Variants in TFCP2L1 observed in about 807,000 individuals in gnomAD.
The protein encoded by TFCP2L1 is transcription factor CP2 like 1.
A neutral mutation model predicts 72.2 loss-of-function variants in TFCP2L1; 12 were observed. That is an observed-to-expected ratio of 0.17 (90% confidence interval 0.11 to 0.27). The LOEUF (loss-of-function observed/expected upper bound fraction) is 0.27. TFCP2L1 is among the 10% of genes least tolerant of loss of function. The probability of loss-of-function intolerance (pLI) is 1.00; values close to 1 mark genes in which losing one functional copy is unlikely to be tolerated. For missense variants in TFCP2L1, 488 were observed against 624.6 expected (o/e 0.78, Z 2.33); for synonymous variants, 260 against 251.0 (o/e 1.04, Z -0.34).
chr2:121,279,807 C>T (rs1687218516), intron 2 of TFCP2L1, among the ~76,000 whole-genome samples: 1 of 152,224 alleles, frequency 6.6e-6, no homozygotes, highest in Admixed American at 6.5e-5. Flanking sequence ...GTCTGCTCTG[C>T]CCATTGAAAG....
At chr2:121,281,042 C>A in intron 2 of TFCP2L1, 78 bp downstream of exon 2, 2 of 1,588,140 alleles carry the variant, frequency 1.3e-6, no homozygotes, top group Non-Finnish European at 1.7e-6. Flanking sequence ...AACAAAGTCA[C>A]AAGGCCCAAA....
chr2:121,237,730 G>A lies in TFCP2L1; in HGVS notation c.910-14C>T. 1 of 1,614,178 alleles carries A rather than the reference G, an allele frequency of 6.2e-7. No individual in the cohort carries two copies. Among genetic ancestry groups the A allele is most frequent in the Non-Finnish European group, 8.5e-7 (1 of 1,180,030 alleles). On this transcript the variant is annotated splice_polypyrimidine_tract_variant and intron_variant, in intron 9 of 14. Coordinates refer to ENST00000263707, the MANE Select transcript of TFCP2L1 (RefSeq NM_014553.3). The stretch of plus-strand genomic sequence containing the variant: ...TGGGAGCAGGTGCTGTGAGCAGAGG[G>A]GAGAGGCCTTGAGATGGTGGCTCAG...
At chr2:121,277,065 T>C (rs1208568958) in intron 2 of TFCP2L1, among the ~76,000 whole-genome samples, 1 of 152,268 alleles carries the variant, frequency 6.6e-6, no homozygotes, top group East Asian at 1.9e-4. Context: ...AAAAGGTTGG[T>C]ATTCTTCATA....
At chr2:121,237,999 G>GAA in intron 8 of TFCP2L1, 149 bp from the exon 9 acceptor site, 1 of 836,472 alleles carries the variant, frequency 1.2e-6, no homozygotes. Context: ...CTGAGTCACA[G>GAA]AAACACAGCA....
intron 4 of TFCP2L1, among the ~76,000 whole-genome samples, chr2:121,248,532 C>T (rs1686536554): frequency 6.6e-6 from 1 of 152,164 alleles, no homozygotes; most frequent in Non-Finnish European, 1.5e-5. Context: ...GAGATGTTCC[C>T]TGATGCTCTG....
At chr2:121,229,459 T>C (rs554401471) in intron 13 of TFCP2L1, among the ~76,000 whole-genome samples, 1 of 152,344 alleles carries the variant, frequency 6.6e-6, no homozygotes, top group South Asian at 2.1e-4. Context: ...CCTCCAGGAC[T>C]GAGAGGAAGT....
At chr2:121,253,642 CAGCA>C (rs1372306605) in intron 2 of TFCP2L1, among the ~76,000 whole-genome samples, 4 of 152,182 alleles carry the variant, frequency 2.6e-5, no homozygotes, top group Non-Finnish European at 4.4e-5. Context: ...TCACGCCAAA[CAGCA>C]AGCACCTCCT....
chr2:121,253,995 G>C (rs1221162971), intron 2 of TFCP2L1, among the ~76,000 whole-genome samples: 2 of 152,158 alleles, frequency 1.3e-5, no homozygotes, highest in South Asian at 4.1e-4. Context: ...GTCACATACA[G>C]GCTGACGAGC....
chr2:121,262,919 T>G (rs1307692776), intron 2 of TFCP2L1, among the ~76,000 whole-genome samples: 1 of 151,908 alleles, frequency 6.6e-6, no homozygotes, highest in Non-Finnish European at 1.5e-5. Context: ...ATTATCTCTT[T>G]TTTCTATATT....
intron 6 of TFCP2L1, among the ~76,000 whole-genome samples, chr2:121,244,644 G>A (rs1686444746): frequency 6.6e-6 from 1 of 152,102 alleles, no homozygotes; most frequent in South Asian, 2.1e-4. Context: ...AGGTGTAGAA[G>A]CTCCCACCCA....
At chr2:121,258,698 G>C (rs528925339) in intron 2 of TFCP2L1, among the ~76,000 whole-genome samples, 1 of 152,308 alleles carries the variant, frequency 6.6e-6, no homozygotes, top group East Asian at 1.9e-4. Flanking sequence ...AAAATGAGGG[G>C]AGACTGAAGA....
intron 2 of TFCP2L1, among the ~76,000 whole-genome samples, chr2:121,258,189 A>G (rs926835403): frequency 5.3e-5 from 8 of 152,190 alleles, no homozygotes; most frequent in Admixed American, 4.6e-4. Context: ...AAACTAACAG[A>G]TTGCTGGCAT....
rs1418907050 is a variant in TFCP2L1 at position 121,222,964 on chromosome 2, T to A, written c.*1377A>T. On this transcript the variant is annotated 3_prime_UTR_variant, in exon 15 of 15. Coordinates refer to ENST00000263707, the MANE Select transcript of TFCP2L1 (RefSeq NM_014553.3). The stretch of plus-strand genomic sequence containing the variant: ...TCCTGGTTTATATGATAAATTTATA[T>A]CGCTACCCTATCACTATGTGCTACC... 1 of 152,214 alleles carries A rather than the reference T, an allele frequency of 6.6e-6. No homozygotes were observed. Among genetic ancestry groups the A allele is most frequent in the Non-Finnish European group, 1.5e-5 (1 of 68,038 alleles). 9.4% of individuals were successfully genotyped at this position (152,214 alleles called of 1,614,324 possible).
chr2:121,224,751 G>A (rs1558724046), intron 14 of TFCP2L1, among the ~76,000 whole-genome samples: 3 of 152,174 alleles, frequency 2.0e-5, no homozygotes, highest in Admixed American at 6.5e-5. Context: ...GGGAGGCCAA[G>A]GCAGGCGGAT....
At chr2:121,270,905 G>C (rs1340303581) in intron 2 of TFCP2L1, among the ~76,000 whole-genome samples, 4 of 139,510 alleles carry the variant, frequency 2.9e-5, no homozygotes, top group Non-Finnish European at 6.1e-5. Flanking sequence ...AAAGCAAGTT[G>C]TTGGCCGGGA....
chr2:121,284,981 G>T (rs1299477488), intron 1 of TFCP2L1, 67 bp downstream of exon 1: 4 of 1,379,472 alleles, frequency 2.9e-6, no homozygotes, highest in Non-Finnish European at 3.8e-6. Flanking sequence ...CTCCGCCCCT[G>T]GACGTCCAAC....
At chr2:121,276,168 C>CA (rs1248571394) in intron 2 of TFCP2L1, among the ~76,000 whole-genome samples, 1 of 152,168 alleles carries the variant, frequency 6.6e-6, no homozygotes, top group African/African-American at 2.4e-5. Flanking sequence ...CTGCACCCAT[C>CA]AACCCGTAAC....
intron 1 of TFCP2L1, among the ~76,000 whole-genome samples, chr2:121,282,433 T>G (rs1687283503): frequency 6.8e-6 from 1 of 147,490 alleles, no homozygotes; most frequent in African/African-American, 2.5e-5. Flanking sequence ...GAAATCCCAG[T>G]ACTTTGGGAG....
At chr2:121,231,510 G>A (rs746312472) in intron 13 of TFCP2L1, among the ~76,000 whole-genome samples, 1 of 152,220 alleles carries the variant, frequency 6.6e-6, no homozygotes, top group Non-Finnish European at 1.5e-5. Flanking sequence ...CGCCCACCCT[G>A]GGGGAACGCC....
Sources: allele counts gnomAD v4.1 joint callset (sites outside exome capture counted in the v4.1 genomes callset), GRCh38; gene constraint gnomAD v4.1.1; transcripts MANE v1.5; gene names NCBI Gene and HGNC (gene_info 2026-07-23, HGNC 2026-07-21).